The following P4HB variants were observed in gnomAD, a reference collection of about 807,000 sequenced individuals.
P4HB encodes prolyl 4-hydroxylase subunit beta, also known as protein disulfide-isomerase.
P4HB carries 20 observed loss-of-function variants against 52.6 expected under a neutral mutation model. That is an observed-to-expected ratio of 0.38 (90% CI 0.27 to 0.55). P4HB has a LOEUF of 0.55. P4HB is among the 20% of genes least tolerant of loss of function. P4HB has a pLI of 0.74. For missense variants in P4HB, 601 were observed against 669.2 expected (o/e 0.90, Z 1.12); for synonymous variants, 296 against 277.9 (o/e 1.07, Z -0.65).
In P4HB at chr17:81,859,231, G is replaced by A. The variant is rs1447958154; in HGVS notation, c.302C>T (p.Thr101Ile). Reference protein sequence around the residue: ...AQQYGVRGYPTIKFFRNGDTA... With the variant: ...AQQYGVRGYPIIKFFRNGDTA... ...GTCTCCATTCCTGAAGAACTTGATG[G>A]TGGGATAGCCGCGCACGCCGTACTG... Residue 101 changes from threonine (T) to isoleucine (I), a missense_variant, in exon 2 of 11, where the codon ACC becomes ATC. Thr to Ile is a moderately conservative substitution (Grantham distance 89). Transcript: ENST00000331483. 1.2e-6 allele frequency: 2 copies of A among 1,613,912 alleles called. No homozygotes were observed. The highest frequency in any genetic ancestry group is 1.7e-6 in the Non-Finnish European group (2 of 1,180,038).
At position 81,843,686 on chromosome 17, in the gene P4HB, C is replaced by T. The variant is rs949559793; in HGVS notation, c.*326G>A. 7 of 432,858 alleles carry T rather than the reference C, an allele frequency of 1.6e-5. No homozygotes were observed. The highest frequency in any genetic ancestry group is 6.1e-5 in the African/African-American group (3 of 49,392). 26.8% of individuals were successfully genotyped at this position (432,858 alleles called of 1,614,324 possible). On this transcript the variant is annotated 3_prime_UTR_variant, in exon 11 of 11. Coordinates refer to ENST00000331483, the MANE Select transcript of P4HB (RefSeq NM_000918.4). ...ATTTTCAAAAAGAGGAGAAACCTCCCGCGGGAGGGAGGCAGCGAGACTCCG... is the reference window on the plus strand; with the variant it reads ...ATTTTCAAAAAGAGGAGAAACCTCCTGCGGGAGGGAGGCAGCGAGACTCCG...
intron 2 of P4HB, among the ~76,000 whole-genome samples, chr17:81,857,662 G>A (rs148970131): frequency 0.027 from 4,073 of 152,192 alleles, 180 homozygotes; most frequent in African/African-American, 0.093. Context: ...TCTCGCCAAT[G>A]GCCCACCCTC....
chr17:81,859,103 G>C, intron 2 of P4HB, 78 bp downstream of exon 2: 2 of 1,380,960 alleles, frequency 1.4e-6, no homozygotes, highest in Non-Finnish European at 2.1e-6. Flanking sequence ...CCACCGCTCA[G>C]ACAGCTGCCC....
rs2038738651 is a variant in P4HB at position 81,846,550 on chromosome 17, C to T, written c.935G>A (p.Cys312Tyr). 3.1e-6 allele frequency: 5 copies of T among 1,614,032 alleles called. No individual in the cohort carries two copies. The highest frequency in any genetic ancestry group is 4.2e-6 in the Non-Finnish European group (5 of 1,180,004). The change falls in exon 7 of 11, where the codon TGC (cysteine) becomes TAC (tyrosine). Residue 312 changes from cysteine to tyrosine, a missense_variant. Transcript: ENST00000331483. This position sits in a 1 kb window ranked among gnomAD's most constrained non-coding sequence, Gnocchi z 5.7. ...CAGGGTGATGAGGCGCACGGCCGGG[C>T]ACTCTTCCTTCTTCAGGCCAAAGAA... Reference protein sequence around the residue: ...LEFFGLKKEECPAVRLITLEE... With the variant: ...LEFFGLKKEEYPAVRLITLEE...
At chr17:81,845,324 C>A (rs1178244920) in intron 9 of P4HB, 94 bp from the exon 10 acceptor site, 2 of 1,114,062 alleles carry the variant, frequency 1.8e-6, no homozygotes, top group Admixed American at 3.9e-5. Flanking sequence ...GCAGAGCAGG[C>A]CCGGTCCGGT....
chr17:81,855,109 C>T lies in P4HB; in HGVS notation c.624+33G>A. The T allele has an allele frequency of 2.5e-6, 4 of 1,611,862 alleles. No individual in the cohort carries two copies. The highest frequency in any genetic ancestry group is 3.4e-6 in the Non-Finnish European group (4 of 1,178,198). Reference sequence around the variant, plus strand: ...CACCCTCTGCAGACCAACCCCAGAACTAACCTGGGCAGAGCTGCCTGGGGC... The same window carrying T: ...CACCCTCTGCAGACCAACCCCAGAATTAACCTGGGCAGAGCTGCCTGGGGC... On this transcript the variant is annotated intron_variant, in intron 4 of 10. Transcript: ENST00000331483. The surrounding 1 kb of genome is among the most constrained non-coding windows in gnomAD (Gnocchi z 4.3).
At position 81,855,642 on chromosome 17, in the gene P4HB, C is replaced by A. The variant is rs2143354970; in HGVS notation, c.353-56G>T. On this transcript the variant is annotated intron_variant, in intron 2 of 10. Transcript: ENST00000331483. The surrounding 1 kb of genome is among the most constrained non-coding windows in gnomAD (Gnocchi z 4.3). ...CAAACAGGGAGTGCCGCCTGCCCTG[C>A]CGCGCCTGCTCCCGTCTCTGCTCTC... The A allele has an allele frequency of 1.3e-6, 2 of 1,573,754 alleles. No homozygotes were observed. The highest frequency in any genetic ancestry group is 1.7e-4 in the Middle Eastern group (1 of 5,908).
rs139888466 is a variant in P4HB at position 81,844,788 on chromosome 17, G to A, written c.1446+356C>T. 1.6e-3 allele frequency among the ~76,000 whole-genome samples: 246 copies of A among 152,384 alleles called. 1 individual carries two copies. Among genetic ancestry groups the A allele is most frequent in the African/African-American group, 5.4e-3 (225 of 41,594 alleles). On this transcript the variant is annotated intron_variant, in intron 10 of 10. Transcript: ENST00000331483. Reference sequence around the variant, plus strand: ...CTCCCGAGGGCAGACCCATGTCTGCGCCCTTGTGCCCGGGCCCCGCCAGCG... The same window carrying A: ...CTCCCGAGGGCAGACCCATGTCTGCACCCTTGTGCCCGGGCCCCGCCAGCG...
chr17:81,850,132 CTATTT>C (rs1342089224), intron 4 of P4HB, among the ~76,000 whole-genome samples: 1 of 148,368 alleles, frequency 6.7e-6, no homozygotes, highest in African/African-American at 2.5e-5. Context: ...CCGGCCCAAA[CTATTT>C]TATTTTTTTT....
In P4HB at chr17:81,858,886, C is replaced by T. The variant is rs1227864663; in HGVS notation, c.352+295G>A. On this transcript the variant is annotated intron_variant, in intron 2 of 10. Transcript: ENST00000331483. ...GGGCAGCACAAACAGCCCATGTGGC[C>T]AGAAAGGCACCAGTCTCCCTCTCCT... 1.2e-5 allele frequency: 5 copies of T among 401,434 alleles called. No homozygotes were observed. The Admixed American group carries it at 1.9e-4, about 15-fold the overall frequency. 24.9% of individuals were successfully genotyped at this position (401,434 alleles called of 1,614,324 possible).
In P4HB at chr17:81,843,800, G is replaced by A. The variant is rs897361947; in HGVS notation, c.*212C>T. 4 of 605,156 alleles carry A rather than the reference G, an allele frequency of 6.6e-6. No homozygotes were observed. In the African/African-American group the frequency reaches 7.4e-5, roughly 11 times the overall value. The allele number at this position is 605,156 out of a possible 1,614,324, so 37.5% of individuals were successfully genotyped here. A position where few individuals can be genotyped will look rare whatever the true frequency, so the allele number is the denominator to read the frequency against. On this transcript the variant is annotated 3_prime_UTR_variant, in exon 11 of 11. Transcript: ENST00000331483. ...CAAGCCCCACCAGGGTGGGCTGCCT[G>A]GAGATGGATCCCTTTCCAAAAACCG...
At chr17:81,845,476 T>A in intron 9 of P4HB, 85 bp downstream of exon 9, 1 of 1,341,746 alleles carries the variant, frequency 7.5e-7, no homozygotes, top group Non-Finnish European at 1.0e-6. Flanking sequence ...AGCCCCAGGC[T>A]CCTTCCAGAG....
intron 4 of P4HB, among the ~76,000 whole-genome samples, chr17:81,848,639 G>A (rs1274567044): frequency 6.6e-6 from 1 of 151,264 alleles, no homozygotes; most frequent in Non-Finnish European, 1.5e-5. Context: ...GGGAGGCTGA[G>A]GCAGGAGAAT....
intron 2 of P4HB, among the ~76,000 whole-genome samples, chr17:81,858,316 A>G (rs2038946246): frequency 6.6e-6 from 1 of 151,578 alleles, no homozygotes; most frequent in African/African-American, 2.4e-5. Flanking sequence ...AGAGGCAACC[A>G]CAGAGCTGCT....
In P4HB at chr17:81,843,854, C is replaced by T. The variant is rs199961374; in HGVS notation, c.*158G>A. 1.4e-5 allele frequency: 9 copies of T among 662,550 alleles called. No individual in the cohort carries two copies. Among genetic ancestry groups the T allele is most frequent in the South Asian group, 3.4e-5 (2 of 58,638 alleles). 41.0% of individuals were successfully genotyped at this position (662,550 alleles called of 1,614,324 possible). ...AGCAGAAGGAAGAGACGGGGGTGAA[C>T]GGACGGTGTGTAGGGGTGAGGTGTC... On this transcript the variant is annotated 3_prime_UTR_variant, in exon 11 of 11. Coordinates refer to ENST00000331483, the MANE Select transcript of P4HB (RefSeq NM_000918.4).
At chr17:81,853,682 G>T (rs2038868551) in intron 4 of P4HB, among the ~76,000 whole-genome samples, 1 of 152,108 alleles carries the variant, frequency 6.6e-6, no homozygotes, top group South Asian at 2.1e-4. Context: ...TTATGATGCT[G>T]CTGTCTAAAA....
chr17:81,860,346 C>T lies in P4HB; in HGVS notation c.126G>A (p.Lys42=). The change falls in exon 1 of 11, where the codon AAG becomes AAA. Residue 42 remains lysine, a synonymous_variant. Coordinates refer to ENST00000331483, the MANE Select transcript of P4HB (RefSeq NM_000918.4). ...GCTCACAGAACTCCACCAGCAGGTA[C>T]TTGTGGGCCGCCAGCGCCTCCGCGA... is the stretch of plus-strand genomic sequence containing the variant. ...SNFAEALAAH[K]YLLVEFYAPW... is the part of the protein sequence containing the mutation. The T allele has an allele frequency of 2.7e-6, 4 of 1,473,730 alleles. No individual in the cohort carries two copies. The highest frequency in any genetic ancestry group is 3.6e-6 in the Non-Finnish European group (4 of 1,111,684). 91.3% of individuals were successfully genotyped at this position (1,473,730 alleles called of 1,614,324 possible).
Position 81,858,404 on chromosome 17 carries a change from C to T in P4HB, c.352+777G>A, listed in dbSNP as rs551585300. On this transcript the variant is annotated intron_variant, in intron 2 of 10. Coordinates refer to ENST00000331483, the MANE Select transcript of P4HB (RefSeq NM_000918.4). ...AAAACAGCCAAGTGAGAGGCAACCACGGAGTTGCTGCCACTAGAACAGGAC... is the reference window on the plus strand; with the variant it reads ...AAAACAGCCAAGTGAGAGGCAACCATGGAGTTGCTGCCACTAGAACAGGAC... Among the ~76,000 whole-genome samples, 11 of 152,232 alleles carry T rather than the reference C, an allele frequency of 7.2e-5. No homozygotes were observed. The South Asian group carries it at 1.7e-3, about 23-fold the overall frequency.
Position 81,855,217 on chromosome 17 carries a change from T to C in P4HB, c.549A>G (p.Pro183=), listed in dbSNP as rs1306134373. 3.7e-6 allele frequency: 6 copies of C among 1,613,884 alleles called. No homozygotes were observed. The Admixed American group carries it at 8.3e-5, about 22-fold the overall frequency. Residue 183 remains proline, a synonymous_variant, in exon 4 of 11, where the codon CCA becomes CCG. Transcript: ENST00000331483. This position sits in a 1 kb window ranked among gnomAD's most constrained non-coding sequence, Gnocchi z 4.3. ...CGTCACTGTTGGAAGTGATCCCAAATGGTATGTCATCGATGGCCTCTGCTG... is the reference window on the plus strand; with the variant it reads ...CGTCACTGTTGGAAGTGATCCCAAACGGTATGTCATCGATGGCCTCTGCTG... The part of the protein sequence containing the change: ...LQAAEAIDDI[P]FGITSNSDVF...
Sources: gnomAD v4.1 joint callset for allele counts (sites outside exome capture counted in the v4.1 genomes callset) on GRCh38, gnomAD v4.1.1 for gene constraint, Gnocchi (gnomAD v3.1) non-coding constraint, MANE v1.5 for transcripts, NCBI Gene and HGNC (gene_info 2026-07-23, HGNC 2026-07-21) for gene names.